The following CLVS1 variants were observed in gnomAD, a reference collection of about 807,000 sequenced individuals.
The protein encoded by CLVS1 is clavesin-1.
Under a neutral mutation model 33.1 loss-of-function variants are expected in CLVS1, and 10 were observed. That is an observed-to-expected ratio of 0.30 (90% CI 0.19 to 0.51). CLVS1 has a LOEUF of 0.51. Among genes scored for constraint, CLVS1 ranks in the 20% least tolerant of loss-of-function variants. The probability of loss-of-function intolerance (pLI) is 0.97; values close to 1 mark genes in which losing one functional copy is unlikely to be tolerated. For missense variants in CLVS1, 343 were observed against 433.4 expected, an observed-to-expected ratio of 0.79 and a Z score of 1.85; for synonymous variants, 163 against 166.1, an observed-to-expected ratio of 0.98 and a Z score of 0.14.
At chr8:61,082,887 A>G (rs1313601519) in intron 1 of CLVS1, among the ~76,000 whole-genome samples, 1 of 152,170 alleles carries the variant, frequency 6.6e-6, no homozygotes, top group Non-Finnish European at 1.5e-5. Context: ...TCTACAAGAA[A>G]TTAGTCTGGC....
chr8:61,104,395 C>T (rs889235297), intron 1 of CLVS1, among the ~76,000 whole-genome samples: 1 of 152,208 alleles, frequency 6.6e-6, no homozygotes, highest in Non-Finnish European at 1.5e-5. Flanking sequence ...GTCTCTCTTG[C>T]AGTAGCCAGA....
At chr8:61,263,294 A>G (rs1206437418) in intron 2 of CLVS1, among the ~76,000 whole-genome samples, 2 of 152,250 alleles carry the variant, frequency 1.3e-5, no homozygotes, top group Non-Finnish European at 2.9e-5. Context: ...AATATAAATT[A>G]TCAATTATTT....
chr8:60,991,344 T>A, the CLVS1 span, among the ~76,000 whole-genome samples: 1 of 152,140 alleles, frequency 6.6e-6, no homozygotes. Context: ...AACTGAAAAA[T>A]TGTTATCTAT....
At chr8:61,172,504 G>GA (rs1554542220) in intron 2 of CLVS1, among the ~76,000 whole-genome samples, 1 of 151,806 alleles carries the variant, frequency 6.6e-6, no homozygotes, top group Non-Finnish European at 1.5e-5. Context: ...TTTAAAAGTA[G>GA]AAAAAATAAA....
intron 1 of CLVS1, among the ~76,000 whole-genome samples, chr8:61,096,687 A>G (rs1805357136): frequency 6.6e-6 from 1 of 152,152 alleles, no homozygotes. Context: ...TTCTCACTCT[A>G]AGTGAGTGAG....
intron 1 of CLVS1, 153 bp downstream of exon 1, chr8:61,288,291 C>G: frequency 4.4e-6 from 2 of 456,012 alleles, no homozygotes; most frequent in Non-Finnish European, 8.8e-6. Flanking sequence ...CCGCACCGCA[C>G]CCCGCTCCCC....
chr8:61,307,404 A>G (rs1168286529), intron 2 of CLVS1, among the ~76,000 whole-genome samples: 1 of 152,124 alleles, frequency 6.6e-6, no homozygotes, highest in Non-Finnish European at 1.5e-5. Context: ...TAAGAAGGCC[A>G]AGGATCCAGG....
At chr8:61,311,415 G>A (rs189438005) in intron 2 of CLVS1, among the ~76,000 whole-genome samples, 74 of 152,026 alleles carry the variant, frequency 4.9e-4, no homozygotes, top group African/African-American at 1.6e-3. Flanking sequence ...CACCATCAAC[G>A]TGCCCTTACG....
Position 61,457,083 on chromosome 8 carries a change from G to A in CLVS1, c.742-1224G>A, listed in dbSNP as rs568328388. 6.4e-4 allele frequency among the ~76,000 whole-genome samples: 97 copies of A among 151,608 alleles called. 1 individual carries two copies. The South Asian group carries it at 0.017, about 26-fold the overall frequency. The stretch of plus-strand genomic sequence containing the variant: ...CTCCTGAGTAGCTGGGATTACAGGC[G>A]TGCCCCACCATGCCCAGCTAATTTT... On this transcript the variant is annotated intron_variant, in intron 4 of 5. Transcript: ENST00000325897.
At chr8:60,982,623 G>C in the CLVS1 span, among the ~76,000 whole-genome samples, 1 of 152,078 alleles carries the variant, frequency 6.6e-6, no homozygotes, top group South Asian at 2.1e-4. Context: ...CCCAGCCCCT[G>C]ATACCTAATA....
chr8:61,268,735 T>A, intron 2 of CLVS1, among the ~76,000 whole-genome samples: 2 of 127,490 alleles, frequency 1.6e-5, no homozygotes, highest in African/African-American at 5.9e-5. Flanking sequence ...GGTATCTCAT[T>A]GTGGTTTTGA....
intron 2 of CLVS1, among the ~76,000 whole-genome samples, chr8:61,252,728 T>C (rs1342723662): frequency 1.3e-5 from 2 of 152,240 alleles, no homozygotes; most frequent in Non-Finnish European, 2.9e-5. Flanking sequence ...TATCAGAGAT[T>C]ACAATCGCAA....
rs183164447 is a variant in CLVS1 at position 61,357,823 on chromosome 8, C to T, written c.456-18782C>T. 2.0e-5 allele frequency among the ~76,000 whole-genome samples: 3 copies of T among 152,144 alleles called. No homozygotes were observed. The East Asian group carries it at 5.8e-4, about 29-fold the overall frequency. On this transcript the variant is annotated intron_variant, in intron 2 of 5. Coordinates refer to ENST00000325897, the MANE Select transcript of CLVS1 (RefSeq NM_173519.3). ...CCACCATCCCTGGCTTCCCAAAGTGCTGGGATTACTGGTGTGAGCCACCAA... is the reference window on the plus strand; with the variant it reads ...CCACCATCCCTGGCTTCCCAAAGTGTTGGGATTACTGGTGTGAGCCACCAA...
At chr8:60,985,876 G>A in the CLVS1 span, among the ~76,000 whole-genome samples, 7 of 151,602 alleles carry the variant, frequency 4.6e-5, no homozygotes, top group African/African-American at 9.7e-5. Flanking sequence ...GTAGCTGCAC[G>A]TTTAGCCTTT....
chr8:61,198,760 T>G (rs1807668172), intron 2 of CLVS1, among the ~76,000 whole-genome samples: 1 of 152,172 alleles, frequency 6.6e-6, no homozygotes, highest in Admixed American at 6.5e-5. Flanking sequence ...ATTATACCAC[T>G]CTGTATGTCT....
intron 2 of CLVS1, among the ~76,000 whole-genome samples, chr8:61,210,580 T>C (rs1041214798): frequency 6.6e-6 from 1 of 152,190 alleles, no homozygotes; most frequent in Non-Finnish European, 1.5e-5. Flanking sequence ...CAAGAAGTCA[T>C]GGGCCTGAGT....
chr8:61,243,541 C>T (rs1312333281), intron 2 of CLVS1, among the ~76,000 whole-genome samples: 1 of 152,138 alleles, frequency 6.6e-6, no homozygotes, highest in Non-Finnish European at 1.5e-5. Context: ...TGTGACTGCC[C>T]TCACAAAAAG....
chr8:61,125,248 G>T lies in CLVS1; in HGVS notation c.-242-6522G>T, dbSNP rs968050625. Among the ~76,000 whole-genome samples, 3 of 152,000 alleles carry T rather than the reference G, an allele frequency of 2.0e-5. No homozygotes were observed. In the South Asian group the frequency reaches 6.2e-4, roughly 32 times the overall value. The stretch of plus-strand genomic sequence containing the variant: ...GCAGCCTTCCCCTTTCCTCGCTTTG[G>T]TTGCAGAAGCACCAAGTATTTGTTT... On this transcript the variant is annotated intron_variant, in intron 1 of 2. Transcript: ENST00000522621.
intron 2 of CLVS1, among the ~76,000 whole-genome samples, chr8:61,262,424 T>C: frequency 6.6e-6 from 1 of 152,026 alleles, no homozygotes; most frequent in East Asian, 1.9e-4. Context: ...TAATCTCAGA[T>C]ACTCAGCAGG....
Sources: allele counts gnomAD v4.1 joint callset (sites outside exome capture counted in the v4.1 genomes callset), GRCh38; gene constraint gnomAD v4.1.1; transcripts MANE v1.5; gene names NCBI Gene and HGNC (gene_info 2026-07-23, HGNC 2026-07-21).